COL4A3: variants seen among roughly 807,000 people sequenced by gnomAD.
COL4A3 encodes collagen alpha-3(IV) chain.
COL4A3 carries 135 observed loss-of-function variants against 217.4 expected under a neutral mutation model. The observed-to-expected ratio is 0.62, with a 90% confidence interval of 0.54 to 0.72. The LOEUF is 0.72. Among genes scored for constraint, COL4A3 ranks in the 30% least tolerant of loss-of-function variants. The pLI, the probability that COL4A3 is intolerant of heterozygous loss-of-function variation, is 0.00. For missense variants in COL4A3, 1,868 were observed against 2,119.9 expected (o/e 0.88, Z 2.33); for synonymous variants, 690 against 736.3 (o/e 0.94, Z 1.02).
At chr2:227,299,319 C>G (rs570923163) in intron 43 of COL4A3, among the ~76,000 whole-genome samples, 1 of 152,118 alleles carries the variant, frequency 6.6e-6, no homozygotes, top group Non-Finnish European at 1.5e-5. Flanking sequence ...GGCGTGAACC[C>G]GGGAGGCGGA....
At chr2:227,225,548 G>A (rs2068040118) in intron 1 of COL4A3, among the ~76,000 whole-genome samples, 1 of 152,148 alleles carries the variant, frequency 6.6e-6, no homozygotes, top group Admixed American at 6.5e-5. Context: ...CAACAAGAGA[G>A]AGTGGAGGTG....
Position 227,312,078 on chromosome 2 carries a change from T to A in COL4A3, c.*208T>A, listed in dbSNP as rs1443878410. 2.4e-6 allele frequency: 2 copies of A among 832,610 alleles called. No homozygotes were observed. The highest frequency in any genetic ancestry group is 3.5e-5 in the African/African-American group (2 of 57,488). 51.6% of individuals were successfully genotyped at this position (832,610 alleles called of 1,614,324 possible). The stretch of plus-strand genomic sequence containing the variant: ...GTCTCTAATCTGTGCTGTTTCAAAG[T>A]TCTCTGTGGCAAAGCAGCAACTATT... On this transcript the variant is annotated 3_prime_UTR_variant, in exon 52 of 52. Coordinates refer to ENST00000396578, the MANE Select transcript of COL4A3 (RefSeq NM_000091.5).
intron 1 of COL4A3, among the ~76,000 whole-genome samples, chr2:227,228,055 T>C (rs1044266972): frequency 2.0e-4 from 30 of 152,174 alleles, no homozygotes; most frequent in Admixed American, 3.3e-4. Context: ...TTTGTCAGAG[T>C]TAGTAATCTG....
At chr2:227,192,450 C>CCTCA (rs60783228) in intron 1 of COL4A3, among the ~76,000 whole-genome samples, 140,846 of 152,208 alleles carry the variant, frequency 0.93, 65,412 homozygotes, top group East Asian at 1. Flanking sequence ...ACCTTTTCAT[C>CCTCA]TCTACCCTCT....
intron 27 of COL4A3, 108 bp from the exon 28 acceptor site, chr2:227,277,338 AAAC>A (rs1455644133): frequency 3.8e-5 from 28 of 733,772 alleles, no homozygotes; most frequent in African/African-American, 5.4e-5. Flanking sequence ...AAAAAAAAAA[AAAC>A]AATGTGCAAA....
At chr2:227,303,711 AT>A in intron 44 of COL4A3, 147 bp from the exon 45 acceptor site, 1 of 777,982 alleles carries the variant, frequency 1.3e-6, no homozygotes, top group Non-Finnish European at 2.2e-6. Context: ...TGTGAACAAA[AT>A]GAAATTGTAG....
At chr2:227,270,055 C>T in intron 24 of COL4A3, 75 bp downstream of exon 24, 1 of 1,301,452 alleles carries the variant, frequency 7.7e-7, no homozygotes, top group South Asian at 1.2e-5. Flanking sequence ...TTGCAACACA[C>T]TTACCAGTTT....
At chr2:227,300,230 G>C (rs1005605514) in intron 43 of COL4A3, among the ~76,000 whole-genome samples, 1 of 152,116 alleles carries the variant, frequency 6.6e-6, no homozygotes, top group African/African-American at 2.4e-5. Context: ...ACCATTTTAG[G>C]AATCAGACCT....
At chr2:227,228,951 A>C (rs11884740) in intron 1 of COL4A3, among the ~76,000 whole-genome samples, 4 of 151,972 alleles carry the variant, frequency 2.6e-5, no homozygotes, top group Non-Finnish European at 5.9e-5. Flanking sequence ...TATCCTATGA[A>C]CTCTTCTAAG....
At position 227,289,194 on chromosome 2, in the gene COL4A3, G is replaced by A; in HGVS notation, c.2926G>A (p.Gly976Arg). 1.2e-6 allele frequency: 2 copies of A among 1,613,898 alleles called. No homozygotes were observed. Among genetic ancestry groups the A allele is most frequent in the Non-Finnish European group, 1.7e-6 (2 of 1,179,936 alleles). The change falls in exon 35 of 52, where the codon GGG (glycine) becomes AGG (arginine). Residue 976 changes from glycine (G) to arginine (R), a missense_variant. Transcript: ENST00000396578. Reference sequence around the variant, plus strand: ...TGAGAAAGGAAACAGAGGCGTTCCAGGGATGCCAGGTTTAAAGGGCCTCAA... The same window carrying A: ...TGAGAAAGGAAACAGAGGCGTTCCAAGGATGCCAGGTTTAAAGGGCCTCAA... ...PGEKGNRGVPGMPGLKGLKGL... is the reference protein window; with the variant it reads ...PGEKGNRGVPRMPGLKGLKGL...
At chr2:227,240,554 G>A (rs2068963712) in intron 3 of COL4A3, among the ~76,000 whole-genome samples, 1 of 152,134 alleles carries the variant, frequency 6.6e-6, no homozygotes, top group Non-Finnish European at 1.5e-5. Context: ...TTCAAGACCT[G>A]TCCAACCACC....
chr2:227,186,413 GC>G (rs2066034871), intron 1 of COL4A3, among the ~76,000 whole-genome samples: 1 of 152,158 alleles, frequency 6.6e-6, no homozygotes, highest in Non-Finnish European at 1.5e-5. Context: ...GCTGCACAAG[GC>G]CAGTGTTGAC....
intron 1 of COL4A3, among the ~76,000 whole-genome samples, chr2:227,218,206 C>A (rs918564909): frequency 2.0e-5 from 3 of 151,700 alleles, no homozygotes; most frequent in Non-Finnish European, 4.4e-5. Context: ...GTGGCTCACG[C>A]CTGTAATCGC....
At chr2:227,249,212 G>GCATATATATATATATATATATATA (rs1553751604) in intron 9 of COL4A3, among the ~76,000 whole-genome samples, 2 of 33,218 alleles carry the variant, frequency 6.0e-5, no homozygotes. Flanking sequence ...AAATTAGCTA[G>GCATATATATATATATATATATATA]TATATATATA....
At chr2:227,267,870 C>T (rs2071003502) in intron 23 of COL4A3, among the ~76,000 whole-genome samples, 1 of 152,138 alleles carries the variant, frequency 6.6e-6, no homozygotes, top group African/African-American at 2.4e-5. Flanking sequence ...CTTCTCTTGA[C>T]AACTGTGTGC....
chr2:227,249,813 T>C (rs2069625834), intron 9 of COL4A3, among the ~76,000 whole-genome samples: 1 of 152,144 alleles, frequency 6.6e-6, no homozygotes, highest in Non-Finnish European at 1.5e-5. Context: ...AGGCAGGGGA[T>C]CCAGGAAGAA....
In COL4A3 at chr2:227,289,136, G is replaced by A. The variant is rs1181532181; in HGVS notation, c.2882-14G>A. The A allele has an allele frequency of 6.2e-7, 1 of 1,608,306 alleles. No homozygotes were observed. Among genetic ancestry groups the A allele is most frequent in the African/African-American group, 1.3e-5 (1 of 74,880 alleles). On this transcript the variant is annotated splice_polypyrimidine_tract_variant and intron_variant, in intron 34 of 51. Transcript: ENST00000396578. ...TGGCTAATTTTCTTGTTAATACCTG[G>A]TTTCTAACTTCAGGATTCGCAGGAA...
Position 227,244,321 on chromosome 2 carries a change from G to C in COL4A3, c.236G>C (p.Gly79Ala), listed in dbSNP as rs2125904313. 6.2e-7 allele frequency: 1 copy of C among 1,613,818 alleles called. No homozygotes were observed. Among genetic ancestry groups the C allele is most frequent in the East Asian group, 2.2e-5 (1 of 44,870 alleles). ...EGLPGPQGPKGFPGLPGLTGS... is the reference protein window; with the variant it reads ...EGLPGPQGPKAFPGLPGLTGS... ...TTTTCTTTTTTCACTTGAATCTAGGGCTTTCCAGGACTTCCAGGACTCACG... is the reference window on the plus strand; with the variant it reads ...TTTTCTTTTTTCACTTGAATCTAGGCCTTTCCAGGACTTCCAGGACTCACG... The change falls in exon 4 of 52, where the codon GGC (glycine) becomes GCC (alanine). Residue 79 changes from glycine to alanine, a missense_variant and splice_region_variant. Transcript: ENST00000396578.
At position 227,271,519 on chromosome 2, in the gene COL4A3, C is replaced by T. The variant is rs565103597; in HGVS notation, c.1758+567C>T. Among the ~76,000 whole-genome samples, 3 of 128,534 alleles carry T rather than the reference C, an allele frequency of 2.3e-5. No individual in the cohort carries two copies. In the South Asian group the frequency reaches 7.2e-4, roughly 31 times the overall value. The allele number at this position is 128,534 out of a possible 152,430, so 84.3% of individuals were successfully genotyped here. ...GGGAGTTTTGCTCTTGTTGCCCAGG[C>T]TGGAGTGCAATGGTGCAATCTCAGC... On this transcript the variant is annotated intron_variant, in intron 25 of 51. Transcript: ENST00000396578.
Sources: gnomAD v4.1 joint callset for allele counts (sites outside exome capture counted in the v4.1 genomes callset) on GRCh38, gnomAD v4.1.1 for gene constraint, MANE v1.5 for transcripts, NCBI Gene and HGNC (gene_info 2026-07-23, HGNC 2026-07-21) for gene names.